RNF17: variants seen among roughly 807,000 people sequenced by gnomAD.
RNF17 encodes spermatogenesis associated 23.
Under a neutral mutation model 200.5 loss-of-function variants are expected in RNF17, and 31 were observed. That is an observed-to-expected ratio of 0.15 (90% CI 0.12 to 0.21). The LOEUF (loss-of-function observed/expected upper bound fraction) is 0.21, where lower values mean the gene tolerates loss of function less well. RNF17 is among the 10% of genes least tolerant of loss of function. The probability of loss-of-function intolerance (pLI) is 1.00; values close to 1 mark genes in which losing one functional copy is unlikely to be tolerated. For missense variants in RNF17, 1,628 were observed against 1,905.1 expected (o/e 0.85, Z 2.71); for synonymous variants, 606 against 637.8 (o/e 0.95, Z 0.75).
chr13:24,861,840 A>G (rs967817179), intron 27 of RNF17, among the ~76,000 whole-genome samples: 4 of 152,160 alleles, frequency 2.6e-5, no homozygotes, highest in African/African-American at 2.4e-5. Flanking sequence ...AGGGGTCTGT[A>G]TTAGTCCATT....
Position 24,799,396 on chromosome 13 carries a change from T to C in RNF17, c.1401T>C (p.Gly467=). The C allele has an allele frequency of 6.2e-7, 1 of 1,602,406 alleles. No homozygotes were observed. Among genetic ancestry groups the C allele is most frequent in the Non-Finnish European group, 8.5e-7 (1 of 1,174,050 alleles). The change falls in exon 12 of 36, where the codon GGT becomes GGC. Residue 467 remains glycine (G), a splice_region_variant and synonymous_variant. Transcript: ENST00000255324. ...CGATTTGTTTCCCTCATTATTTAGG[T>C]GCAAGAATATTTGTCAGCAGTATTA... ...HLDPSDILEL[G]ARIFVSSIKN...
Position 24,854,035 on chromosome 13 carries a change from A to T in RNF17, c.3501A>T (p.Arg1167Ser), listed in dbSNP as rs146272139. The T allele has an allele frequency of 2.7e-4, 441 of 1,614,116 alleles. 2 individuals carry two copies. In the East Asian group the frequency reaches 9.3e-3, roughly 34 times the overall value. Reference sequence around the variant, plus strand: ...TTCAGGAGAAAATTCTAGAACCAAGAACCACTAGAGGGTATAAGCCACCAG... The same window carrying T: ...TTCAGGAGAAAATTCTAGAACCAAGTACCACTAGAGGGTATAAGCCACCAG... Reference protein sequence around the residue: ...SEFQEKILEPRTTRGYKPPAI... With the variant: ...SEFQEKILEPSTTRGYKPPAI... The change falls in exon 25 of 36, where the codon AGA becomes AGT. Residue 1167 changes from arginine (R) to serine (S), a missense_variant. Transcript: ENST00000255324.
intron 15 of RNF17, among the ~76,000 whole-genome samples, chr13:24,807,052 T>C (rs1885978196): frequency 6.6e-6 from 1 of 151,830 alleles, no homozygotes; most frequent in Admixed American, 6.6e-5. Context: ...CTATCATTGT[T>C]GGACATTTGG....
chr13:24,869,612 G>A (rs938294902), intron 31 of RNF17, among the ~76,000 whole-genome samples: 21 of 152,264 alleles, frequency 1.4e-4, no homozygotes, highest in Middle Eastern at 6.8e-3. Context: ...GGAAGGCTGT[G>A]TTTCCTGCCC....
Position 24,861,320 on chromosome 13 carries a change from A to G in RNF17, c.3827A>G (p.Tyr1276Cys), listed in dbSNP as rs748227698. 6.3e-7 allele frequency: 1 copy of G among 1,594,450 alleles called. No individual in the cohort carries two copies. The highest frequency in any genetic ancestry group is 8.6e-7 in the Non-Finnish European group (1 of 1,168,766). ...GAAAAGATTCCGCAGTGCCATCTTT[A>G]CCCTATTTTGCTGTATCCTGATATA... Reference protein sequence around the residue: ...FTEKIPQCHLYPILLYPDIPQ... With the variant: ...FTEKIPQCHLCPILLYPDIPQ... Residue 1276 changes from tyrosine (Y) to cysteine (C), a missense_variant, in exon 27 of 36, where the codon TAC becomes TGC. Transcript: ENST00000255324.
intron 22 of RNF17, among the ~76,000 whole-genome samples, chr13:24,847,024 AT>A (rs71186852): frequency 1.0e-4 from 15 of 149,836 alleles, no homozygotes; most frequent in African/African-American, 1.2e-4. Context: ...CCTGTGTGTG[AT>A]TTTTTTTTTT....
At chr13:24,802,136 C>A (rs1305736612) in intron 13 of RNF17, among the ~76,000 whole-genome samples, 1 of 152,086 alleles carries the variant, frequency 6.6e-6, no homozygotes, top group Admixed American at 6.6e-5. Flanking sequence ...AAGGCACCTG[C>A]CACCACGCCC....
Position 24,866,203 on chromosome 13 carries a change from G to A in RNF17, c.4161G>A (p.Glu1387=). 6.5e-7 allele frequency: 1 copy of A among 1,530,280 alleles called. No individual in the cohort carries two copies. Among genetic ancestry groups the A allele is most frequent in the Non-Finnish European group, 9.0e-7 (1 of 1,108,210 alleles). The allele number at this position is 1,530,280 out of a possible 1,614,324, so 94.8% of individuals were successfully genotyped here. Residue 1387 remains glutamate (E), a splice_region_variant and synonymous_variant, in exon 30 of 36, where the codon GAG becomes GAA. Transcript: ENST00000255324. ...AGGAACAATGGGAAATAAGGTTTGA[G>A]GTAAGTAACAATCCAAGTATTTTGG... ...YEEEQWEIRF[E]ELLSAETDTP...
At chr13:24,840,747 AG>A (rs1359757014) in intron 18 of RNF17, among the ~76,000 whole-genome samples, 5 of 151,290 alleles carry the variant, frequency 3.3e-5, no homozygotes, top group African/African-American at 9.7e-5. Context: ...GTAAAGTAGG[AG>A]GGGGGCGAAG....
intron 2 of RNF17, among the ~76,000 whole-genome samples, chr13:24,768,478 G>T (rs1156372582): frequency 6.6e-6 from 1 of 151,916 alleles, no homozygotes; most frequent in Non-Finnish European, 1.5e-5. Context: ...TAGAGAGGGG[G>T]TTTCACCATA....
chr13:24,814,312 A>G (rs964315257), intron 15 of RNF17, among the ~76,000 whole-genome samples: 2 of 151,940 alleles, frequency 1.3e-5, no homozygotes, highest in African/African-American at 2.4e-5. Flanking sequence ...GGCTGGCTGT[A>G]TTTTCTCCCA....
Position 24,831,851 on chromosome 13 carries a change from G to T in RNF17, c.2362-7G>T. The T allele has an allele frequency of 6.3e-7, 1 of 1,591,464 alleles. No individual in the cohort carries two copies. The highest frequency in any genetic ancestry group is 1.2e-5 in the South Asian group (1 of 85,268). On this transcript the variant is annotated splice_polypyrimidine_tract_variant and splice_region_variant and intron_variant, in intron 17 of 35. Coordinates refer to ENST00000255324, the MANE Select transcript of RNF17 (RefSeq NM_031277.3). ...TTTTCTTAATGGTGGAATTTTGTCTGACACAGGCAATTAAATGTAAGTTGG... is the reference window on the plus strand; with the variant it reads ...TTTTCTTAATGGTGGAATTTTGTCTTACACAGGCAATTAAATGTAAGTTGG...
chr13:24,794,665 C>T (rs965613815), intron 10 of RNF17, among the ~76,000 whole-genome samples: 2 of 144,536 alleles, frequency 1.4e-5, no homozygotes, highest in Admixed American at 6.8e-5. Context: ...ACAGTGAGAC[C>T]TCATCTCAAA....
At chr13:24,840,322 C>T (rs927661173) in intron 18 of RNF17, among the ~76,000 whole-genome samples, 4 of 152,134 alleles carry the variant, frequency 2.6e-5, no homozygotes, top group African/African-American at 9.7e-5. Context: ...GTGGAGATTC[C>T]TTAAAGAACT....
chr13:24,774,380 T>C (rs1881257398), intron 2 of RNF17, among the ~76,000 whole-genome samples: 2 of 152,228 alleles, frequency 1.3e-5, no homozygotes, highest in African/African-American at 2.4e-5. Flanking sequence ...TGGCTAATTT[T>C]TGTATTTTTA....
chr13:24,828,040 T>C (rs561356520), intron 16 of RNF17, among the ~76,000 whole-genome samples: 91 of 152,288 alleles, frequency 6.0e-4, no homozygotes, highest in Non-Finnish European at 1.1e-3. Flanking sequence ...ATTCCAGTGA[T>C]TGCAATGAAG....
chr13:24,769,284 G>A (rs1371716482), intron 2 of RNF17, among the ~76,000 whole-genome samples: 1 of 151,926 alleles, frequency 6.6e-6, no homozygotes, highest in Non-Finnish European at 1.5e-5. Flanking sequence ...GTGTAGGAGT[G>A]TTTATAATGT....
At chr13:24,840,826 T>G (rs1038913404) in intron 18 of RNF17, among the ~76,000 whole-genome samples, 2 of 152,152 alleles carry the variant, frequency 1.3e-5, no homozygotes, top group African/African-American at 4.8e-5. Context: ...ATCTCACAAG[T>G]CACCGCTAAA....
chr13:24,861,086 C>T (rs1271815805), intron 26 of RNF17, among the ~76,000 whole-genome samples, 182 bp from the exon 27 acceptor site: 2 of 152,048 alleles, frequency 1.3e-5, no homozygotes, highest in Non-Finnish European at 2.9e-5. Flanking sequence ...GCCGTGTTCC[C>T]AAGGCTGGTC....
Sources: gnomAD v4.1 joint callset for allele counts (sites outside exome capture counted in the v4.1 genomes callset) on GRCh38, gnomAD v4.1.1 for gene constraint, MANE v1.5 for transcripts, NCBI Gene and HGNC (gene_info 2026-07-23, HGNC 2026-07-21) for gene names.